The following VPS35L variants were observed in gnomAD, a reference collection of about 807,000 sequenced individuals.
VPS35L encodes the protein VPS35 endosomal protein-sorting factor-like.
A neutral mutation model predicts 133.0 loss-of-function variants in VPS35L; 83 were observed. The observed-to-expected ratio is 0.62, with a 90% confidence interval of 0.52 to 0.75. The LOEUF is 0.75. VPS35L is among the 30% of genes least tolerant of loss of function. The probability of loss-of-function intolerance (pLI) is 0.00; values close to 1 mark genes in which losing one functional copy is unlikely to be tolerated. For synonymous variants in VPS35L, 423 were observed against 449.9 expected, an observed-to-expected ratio of 0.94 and a Z score of 0.76; for missense variants, 1,083 against 1,206.8, an observed-to-expected ratio of 0.90 and a Z score of 1.52.
rs562983470 is a variant in VPS35L, at chr16:19,612,356, C to T, written c.1023+1941C>T. ...GCAACCTCTGCCTCCTGGGTTCAAG[C>T]GATTCTCATGTCTCAGCCTCCGGAG... On this transcript the variant is annotated intron_variant, in intron 12 of 30. Transcript: ENST00000417362. 2.2e-3 allele frequency among the ~76,000 whole-genome samples: 330 copies of T among 152,192 alleles called. 1 individual carries two copies. The highest frequency in any genetic ancestry group is 3.8e-3 in the Non-Finnish European group (256 of 68,008).
At chr16:19,601,183 C>T (rs1342963340) in intron 8 of VPS35L, among the ~76,000 whole-genome samples, 1 of 152,238 alleles carries the variant, frequency 6.6e-6, no homozygotes, top group Non-Finnish European at 1.5e-5. Context: ...CCTGCCTCGG[C>T]TTCCCAAAGT....
At chr16:19,667,474 C>CT (rs1974732360) in intron 26 of VPS35L, among the ~76,000 whole-genome samples, 3 of 152,156 alleles carry the variant, frequency 2.0e-5, no homozygotes, top group Admixed American at 1.3e-4. Flanking sequence ...TGGCTCACGC[C>CT]TGTAATCCCA....
intron 19 of VPS35L, among the ~76,000 whole-genome samples, chr16:19,634,363 G>A (rs895590917): frequency 6.6e-6 from 1 of 150,564 alleles, no homozygotes; most frequent in African/African-American, 2.4e-5. Context: ...CCTTACCCTT[G>A]GAGGCTGAAG....
At chr16:19,631,004 G>A (rs1023684279) in intron 18 of VPS35L, among the ~76,000 whole-genome samples, 2 of 151,848 alleles carry the variant, frequency 1.3e-5, no homozygotes, top group African/African-American at 2.4e-5. Context: ...GTGAGACTCT[G>A]TCTCAAAACA....
intron 26 of VPS35L, among the ~76,000 whole-genome samples, chr16:19,668,331 T>C (rs1974762764): frequency 6.6e-6 from 1 of 152,182 alleles, no homozygotes; most frequent in African/African-American, 2.4e-5. Context: ...AGGCTTTTTC[T>C]CACGGTCAAT....
intron 23 of VPS35L, among the ~76,000 whole-genome samples, chr16:19,645,990 C>T (rs1973936582): frequency 6.6e-6 from 1 of 151,816 alleles, no homozygotes; most frequent in African/African-American, 2.4e-5. Flanking sequence ...GGGGTCGAGA[C>T]AGGGGTTTCC....
At chr16:19,638,956 A>G (rs886850839) in intron 20 of VPS35L, among the ~76,000 whole-genome samples, 1 of 152,154 alleles carries the variant, frequency 6.6e-6, no homozygotes, top group African/African-American at 2.4e-5. Flanking sequence ...AATACAAAAA[A>G]TTAGCCAGGT....
At chr16:19,593,534 G>T (rs1292923912) in intron 8 of VPS35L, among the ~76,000 whole-genome samples, 1 of 152,168 alleles carries the variant, frequency 6.6e-6, no homozygotes, top group Non-Finnish European at 1.5e-5. Context: ...TGAAAAAGTG[G>T]GTCTTTATTG....
At chr16:19,590,319 A>G (rs179048) in intron 7 of VPS35L, among the ~76,000 whole-genome samples, 8,812 of 152,194 alleles carry the variant, frequency 0.058, 536 homozygotes, top group African/African-American at 0.15. Flanking sequence ...GACATGGTGA[A>G]CGTTCTCACC....
rs114737965 is a variant in VPS35L, at chr16:19,678,111, T to C, written c.2362-4114T>C. On this transcript the variant is annotated intron_variant, in intron 27 of 30. Transcript: ENST00000417362. Reference sequence around the variant, plus strand: ...GAAGAGTTAGTTACTTCTAGGGTATTATTAGATTGGTGCAAAAGTAATTGT... The same window carrying C: ...GAAGAGTTAGTTACTTCTAGGGTATCATTAGATTGGTGCAAAAGTAATTGT... Among the ~76,000 whole-genome samples the C allele has an allele frequency of 7.9e-3, 1,210 of 152,328 alleles. 17 individuals are homozygous for C. The highest frequency in any genetic ancestry group is 0.028 in the African/African-American group (1,170 of 41,566).
At chr16:19,611,876 T>G (rs1972733323) in intron 12 of VPS35L, 1 of 151,992 alleles carries the variant, frequency 6.6e-6, no homozygotes, top group Non-Finnish European at 1.5e-5. Context: ...GAGGCCCTAC[T>G]GTGCACAGAA....
rs543109014 is a variant in VPS35L at position 19,693,166 on chromosome 16, T to C, written c.2646+1695T>C. ...TTGGTTGTTTGTGGAAAGAGTGGCA[T>C]TGGAACCCCAGTTTCTTCTTCAGGA... is the stretch of plus-strand genomic sequence containing the variant. On this transcript the variant is annotated intron_variant, in intron 29 of 30. Coordinates refer to ENST00000417362, the MANE Select transcript of VPS35L (RefSeq NM_020314.7). Among the ~76,000 whole-genome samples, 14 of 152,156 alleles carry C rather than the reference T, an allele frequency of 9.2e-5. 1 individual carries two copies. Among genetic ancestry groups the C allele is most frequent in the East Asian group, 5.8e-4 (3 of 5,152 alleles).
intron 8 of VPS35L, among the ~76,000 whole-genome samples, chr16:19,598,519 C>T (rs1972284428): frequency 6.6e-6 from 1 of 152,158 alleles, no homozygotes; most frequent in South Asian, 2.1e-4. Flanking sequence ...TACAGTGGCT[C>T]ATATCTGTAA....
At chr16:19,564,329 G>A (rs978672883) in intron 1 of VPS35L, among the ~76,000 whole-genome samples, 3 of 148,846 alleles carry the variant, frequency 2.0e-5, no homozygotes, top group Non-Finnish European at 3.0e-5. Context: ...CGCCTGCCTC[G>A]GCCTCCCAAA....
At chr16:19,687,408 T>C (rs1023206642) in intron 28 of VPS35L, among the ~76,000 whole-genome samples, 1 of 152,222 alleles carries the variant, frequency 6.6e-6, no homozygotes, top group Non-Finnish European at 1.5e-5. Flanking sequence ...TGAATTCTTC[T>C]CGCTTCTTAC....
chr16:19,603,587 C>G (rs554806694), intron 9 of VPS35L, among the ~76,000 whole-genome samples: 2 of 152,074 alleles, frequency 1.3e-5, no homozygotes, highest in Non-Finnish European at 2.9e-5. Context: ...ACACCTGTGA[C>G]GATGTTTTTT....
chr16:19,580,359 G>A (rs916625909), intron 6 of VPS35L, among the ~76,000 whole-genome samples: 3 of 151,946 alleles, frequency 2.0e-5, no homozygotes, highest in Middle Eastern at 3.2e-3. Flanking sequence ...TGATCCACCC[G>A]CCTCAGCCTC....
intron 7 of VPS35L, 75 bp from the exon 8 acceptor site, chr16:19,591,715 A>C: frequency 1.7e-6 from 2 of 1,144,570 alleles, no homozygotes; most frequent in Non-Finnish European, 1.3e-6. Flanking sequence ...GAAACCATTA[A>C]TTTTTCAGAT....
chr16:19,682,339 C>T lies in VPS35L; in HGVS notation c.2476C>T (p.His826Tyr). Reference sequence around the variant, plus strand: ...AATCCGCATCTACACCTGCGTCCTGCATCTCCTCTCCGCCATGAGCCAGGA... The same window carrying T: ...AATCCGCATCTACACCTGCGTCCTGTATCTCCTCTCCGCCATGAGCCAGGA... ...EKIRIYTCVL[H>Y]LLSAMSQETY... Residue 826 changes from histidine (H) to tyrosine (Y), a missense_variant, in exon 28 of 31, where the codon CAT becomes TAT. Coordinates refer to ENST00000417362, the MANE Select transcript of VPS35L (RefSeq NM_020314.7). 6.2e-7 allele frequency: 1 copy of T among 1,614,222 alleles called. No homozygotes were observed. Among genetic ancestry groups the T allele is most frequent in the Non-Finnish European group, 8.5e-7 (1 of 1,180,034 alleles).
Sources: gnomAD v4.1 joint callset for allele counts (sites outside exome capture counted in the v4.1 genomes callset) on GRCh38, gnomAD v4.1.1 for gene constraint, MANE v1.5 for transcripts, NCBI Gene and HGNC (gene_info 2026-07-23, HGNC 2026-07-21) for gene names.